The following PLPP4 variants were observed in gnomAD, a reference collection of about 807,000 sequenced individuals.
The protein encoded by PLPP4 is phospholipid phosphatase 4.
Under a neutral mutation model 32.2 loss-of-function variants are expected in PLPP4, and 20 were observed. That is an observed-to-expected ratio of 0.62 (90% CI 0.44 to 0.90). The LOEUF (loss-of-function observed/expected upper bound fraction) is 0.90, where lower values mean the gene tolerates loss of function less well. Ranked by LOEUF, PLPP4 falls within the 40% of genes least tolerant of loss-of-function variation. PLPP4 has a pLI of 0.00. For synonymous variants in PLPP4, 127 were observed against 133.0 expected, an observed-to-expected ratio of 0.95 and a Z score of 0.31; for missense variants, 257 against 353.1, an observed-to-expected ratio of 0.73 and a Z score of 2.18.
intron 1 of PLPP4, among the ~76,000 whole-genome samples, chr10:120,481,568 G>A (rs531382752): frequency 6.6e-6 from 1 of 152,314 alleles, no homozygotes; most frequent in South Asian, 2.1e-4. Context: ...CTTCCTGGAA[G>A]TTCCCTGGGC....
intron 1 of PLPP4, among the ~76,000 whole-genome samples, chr10:120,481,162 C>A (rs1844185630): frequency 6.6e-6 from 1 of 152,170 alleles, no homozygotes. Context: ...GAGTCTGGGT[C>A]CCACACTGTT....
intron 1 of PLPP4, among the ~76,000 whole-genome samples, chr10:120,479,273 C>G (rs895924970): frequency 6.6e-6 from 1 of 152,074 alleles, no homozygotes; most frequent in Admixed American, 6.6e-5. Flanking sequence ...TTCCCATCCC[C>G]CCTACTGCCA....
intron 6 of PLPP4, among the ~76,000 whole-genome samples, chr10:120,576,821 A>G (rs1458637645): frequency 6.6e-6 from 1 of 152,220 alleles, no homozygotes; most frequent in African/African-American, 2.4e-5. Flanking sequence ...GGAAGGATGG[A>G]CAGAGTCACT....
intron 1 of PLPP4, among the ~76,000 whole-genome samples, chr10:120,501,961 AGGGGCAGAGAGCAGCT>A (rs1208613143): frequency 6.6e-6 from 1 of 152,104 alleles, no homozygotes; most frequent in Non-Finnish European, 1.5e-5. Flanking sequence ...CAGAGAGCAG[AGGGGCAGAGAGCAGCT>A]GGGGCAGAGA....
At chr10:120,507,657 G>C (rs1002056231) in intron 2 of PLPP4, among the ~76,000 whole-genome samples, 2 of 152,176 alleles carry the variant, frequency 1.3e-5, no homozygotes, top group African/African-American at 2.4e-5. Context: ...TTGGTGATTG[G>C]TTAGGTGGAG....
At chr10:120,507,925 C>G (rs1229461963) in intron 2 of PLPP4, among the ~76,000 whole-genome samples, 1 of 152,138 alleles carries the variant, frequency 6.6e-6, no homozygotes. Context: ...TTCAGCATCA[C>G]TAAAAAGCCT....
chr10:120,562,524 G>A (rs1848482666), intron 5 of PLPP4, among the ~76,000 whole-genome samples: 1 of 152,138 alleles, frequency 6.6e-6, no homozygotes, highest in Admixed American at 6.5e-5. Context: ...TTAAGGGAAT[G>A]CTTTAAACGT....
At chr10:120,553,430 C>T (rs1448333414) in intron 5 of PLPP4, among the ~76,000 whole-genome samples, 1 of 152,170 alleles carries the variant, frequency 6.6e-6, no homozygotes, top group East Asian at 1.9e-4. Flanking sequence ...GAAGGTACCA[C>T]CTTTGAACCA....
chr10:120,572,250 G>C (rs1848977758), intron 5 of PLPP4, among the ~76,000 whole-genome samples: 2 of 152,232 alleles, frequency 1.3e-5, no homozygotes, highest in African/African-American at 4.8e-5. Flanking sequence ...CCAAATACAA[G>C]TTCCTGAGAC....
chr10:120,570,189 C>T (rs1165921759), intron 5 of PLPP4, among the ~76,000 whole-genome samples: 1 of 152,056 alleles, frequency 6.6e-6, no homozygotes, highest in African/African-American at 2.4e-5. Flanking sequence ...GCTCCTCTGC[C>T]TGCTCTGCTT....
intron 6 of PLPP4, chr10:120,587,364 G>A (rs1016495840): frequency 6.6e-6 from 1 of 152,144 alleles, no homozygotes; most frequent in South Asian, 2.1e-4. Context: ...CAGCGTACTG[G>A]GCCCCTGGTC....
At chr10:120,569,216 G>C (rs1041065803) in intron 5 of PLPP4, among the ~76,000 whole-genome samples, 2 of 150,714 alleles carry the variant, frequency 1.3e-5, no homozygotes, top group Non-Finnish European at 1.5e-5. Context: ...TGCAGCCTGG[G>C]GTAAAGAGTG....
In PLPP4 at chr10:120,591,625, A is replaced by T. The variant is rs1404243223; in HGVS notation, c.*2123A>T. ...GATCCTTTGCTACTGTTAAAAAAAA[A>T]AACCCCATCCTGATGTGGCCCACAT... On this transcript the variant is annotated 3_prime_UTR_variant, in exon 7 of 7. Transcript: ENST00000398250. Among the ~76,000 whole-genome samples the T allele has an allele frequency of 6.6e-6, 1 of 152,070 alleles. No individual in the cohort carries two copies. The highest frequency in any genetic ancestry group is 1.5e-5 in the Non-Finnish European group (1 of 68,020).
intron 1 of PLPP4, among the ~76,000 whole-genome samples, chr10:120,466,516 T>C (rs536002612): frequency 6.6e-6 from 1 of 152,248 alleles, no homozygotes; most frequent in South Asian, 2.1e-4. Context: ...ACGGCTCCAT[T>C]TCTCTAGAGT....
chr10:120,487,011 G>A (rs528439447), intron 1 of PLPP4, among the ~76,000 whole-genome samples: 1 of 152,356 alleles, frequency 6.6e-6, no homozygotes, highest in Admixed American at 6.5e-5. Flanking sequence ...CATTTTCCAT[G>A]CAAGTAATTG....
chr10:120,586,538 C>T (rs1472191950), intron 6 of PLPP4, among the ~76,000 whole-genome samples: 1 of 152,132 alleles, frequency 6.6e-6, no homozygotes, highest in Non-Finnish European at 1.5e-5. Flanking sequence ...TCTTAGCCAC[C>T]TTGTACTTGT....
chr10:120,571,093 C>CGTGTGTGTGTGT lies in PLPP4; in HGVS notation c.446-4010_446-3999dup, dbSNP rs60011757. ...TTCCTTCCCATCAGTAGTAAAGGGGCGTGTGTGTGTGTGTGTGTGTGTGTG... is the reference window on the plus strand; with the variant it reads ...TTCCTTCCCATCAGTAGTAAAGGGGCGTGTGTGTGTGTGTGTGTGTGTGTGTGTGTGTGTGTG... On this transcript the variant is annotated intron_variant, in intron 5 of 6. Coordinates refer to ENST00000398250, the MANE Select transcript of PLPP4 (RefSeq NM_001030059.3). Among the ~76,000 whole-genome samples, 652 of 144,644 alleles carry CGTGTGTGTGTGT rather than the reference C, an allele frequency of 4.5e-3. 4 individuals are homozygous for CGTGTGTGTGTGT. Among genetic ancestry groups the CGTGTGTGTGTGT allele is most frequent in the East Asian group, 0.011 (54 of 4,818 alleles). The allele number at this position is 144,644 out of a possible 152,430, so 94.9% of individuals were successfully genotyped here.
intron 2 of PLPP4, among the ~76,000 whole-genome samples, chr10:120,505,946 A>G (rs1015906981): frequency 6.6e-6 from 1 of 152,226 alleles, no homozygotes; most frequent in Non-Finnish European, 1.5e-5. Context: ...TTGGAGATGA[A>G]TGTTCATATG....
intron 5 of PLPP4, among the ~76,000 whole-genome samples, chr10:120,522,343 A>C (rs1846191203): frequency 6.6e-6 from 1 of 152,154 alleles, no homozygotes; most frequent in Admixed American, 6.5e-5. Flanking sequence ...ACGAGACATT[A>C]GCTGGGGGCA....
Sources: allele counts gnomAD v4.1 joint callset (sites outside exome capture counted in the v4.1 genomes callset), GRCh38; gene constraint gnomAD v4.1.1; transcripts MANE v1.5; gene names NCBI Gene and HGNC (gene_info 2026-07-23, HGNC 2026-07-21).